LAMA1: variants seen among roughly 807,000 people sequenced by gnomAD.
The protein encoded by LAMA1 is laminin subunit alpha-1.
A neutral mutation model predicts 348.7 loss-of-function variants in LAMA1; 219 were observed. The ratio of observed to expected loss-of-function variants is 0.63; its 90% CI spans 0.56 to 0.70. LAMA1 has a LOEUF of 0.70. Ranked by LOEUF, LAMA1 falls within the 30% of genes least tolerant of loss-of-function variation. The pLI is 0.00. For missense variants in LAMA1, 3,744 were observed against 3,888.0 expected (o/e 0.96, Z 0.99); for synonymous variants, 1,487 against 1,491.0 (o/e 1.00, Z 0.06).
At chr18:6,993,544 T>A (rs576752473) in intron 35 of LAMA1, 97 bp downstream of exon 35, 2 of 944,436 alleles carry the variant, frequency 2.1e-6, no homozygotes, top group African/African-American at 3.2e-5. Flanking sequence ...GGAAACCCGA[T>A]GCAAGAGATA....
intron 12 of LAMA1, 72 bp downstream of exon 12, chr18:7,037,506 C>CTGG: frequency 6.4e-7 from 1 of 1,558,280 alleles, no homozygotes; most frequent in Non-Finnish European, 8.8e-7. Context: ...AAAATGCAGG[C>CTGG]AGCGCAAGTT....
chr18:7,023,981 G>A (rs1598285329), intron 18 of LAMA1, among the ~76,000 whole-genome samples: 1 of 151,942 alleles, frequency 6.6e-6, no homozygotes. Flanking sequence ...TAGGATTACA[G>A]GCACCCGCCG....
chr18:6,979,815 T>A lies in LAMA1; in HGVS notation c.6007+706A>T, dbSNP rs368839372. ...TCGGGAGGCTGAGGCAGGAGAATGGTGTGAACCCGGGGGGCGGAGCTTGCA... is the reference window on the plus strand; with the variant it reads ...TCGGGAGGCTGAGGCAGGAGAATGGAGTGAACCCGGGGGGCGGAGCTTGCA... On this transcript the variant is annotated intron_variant, in intron 42 of 62. Transcript: ENST00000389658. Among the ~76,000 whole-genome samples the A allele has an allele frequency of 5.9e-5, 9 of 151,976 alleles. No individual in the cohort carries two copies. The East Asian group carries it at 1.7e-3, about 30-fold the overall frequency.
rs1041799461 is a variant in LAMA1 at position 7,002,194 on chromosome 18, T to C, written c.4382+70A>G. 4.4e-6 allele frequency: 7 copies of C among 1,590,502 alleles called. No individual in the cohort carries two copies. The African/African-American group carries it at 5.4e-5, about 12-fold the overall frequency. ...TTAACAACAGACCACTCAGAGACCC[T>C]TGAAAATGAGGCTGAACTGGAAGCA... On this transcript the variant is annotated intron_variant, in intron 30 of 62. Transcript: ENST00000389658.
At chr18:7,049,007 A>G (rs1166049114) in intron 5 of LAMA1, 71 bp downstream of exon 5, 29 of 1,465,030 alleles carry the variant, frequency 2.0e-5, no homozygotes, top group Non-Finnish European at 9.4e-7. Flanking sequence ...AGGAAAGAAG[A>G]AAAATAATAG....
intron 25 of LAMA1, among the ~76,000 whole-genome samples, chr18:7,011,037 A>C (rs534628529): frequency 1.3e-4 from 20 of 152,230 alleles, no homozygotes; most frequent in Non-Finnish European, 2.1e-4. Flanking sequence ...ACATGACTGT[A>C]TATGTCTGTT....
At chr18:7,058,000 C>T in intron 3 of LAMA1, among the ~76,000 whole-genome samples, 2 of 151,220 alleles carry the variant, frequency 1.3e-5, no homozygotes, top group Non-Finnish European at 2.9e-5. Context: ...GACAGGGTTT[C>T]ACCAACTTGG....
chr18:6,997,926 G>A (rs769574414), intron 32 of LAMA1, 42 bp from the exon 33 acceptor site: 7 of 1,590,410 alleles, frequency 4.4e-6, no homozygotes, highest in Admixed American at 1.7e-5. Flanking sequence ...AAGTTAATGC[G>A]ATGTGGTCTG....
intron 37 of LAMA1, 150 bp from the exon 38 acceptor site, chr18:6,985,793 T>A (rs1420515033): frequency 4.5e-6 from 3 of 663,570 alleles, no homozygotes; most frequent in Admixed American, 4.9e-5. Context: ...GGAGTCTCAT[T>A]CTGTTGCCAG....
chr18:7,107,119 TCC>T (rs991539867), intron 1 of LAMA1, among the ~76,000 whole-genome samples: 1 of 97,282 alleles, frequency 1.0e-5, no homozygotes, highest in Non-Finnish European at 1.8e-5. Context: ...TGGAGAAAAC[TCC>T]TTTTTTTTTT....
Position 6,948,490 on chromosome 18 carries a change from T to TAA in LAMA1, c.8622_8623insTT (p.Ser2875LeufsTer9). The TAA allele has an allele frequency of 6.2e-7, 1 of 1,614,200 alleles. No individual in the cohort carries two copies. The highest frequency in any genetic ancestry group is 8.5e-7 in the Non-Finnish European group (1 of 1,180,024). On this transcript the variant is annotated frameshift_variant, in exon 60 of 63. Coordinates refer to ENST00000389658, the MANE Select transcript of LAMA1 (RefSeq NM_005559.4). LOFTEE classifies it high-confidence loss of function. ...TTCACCGTGAAGGCAGACACCGGGCTGTCCTTGTCCAGCTGTTTGCTGTTA... is the reference window on the plus strand; with the variant it reads ...TTCACCGTGAAGGCAGACACCGGGCTAAGTCCTTGTCCAGCTGTTTGCTGTTA...
At chr18:7,082,404 G>A (rs2058196658) in intron 1 of LAMA1, among the ~76,000 whole-genome samples, 1 of 152,070 alleles carries the variant, frequency 6.6e-6, no homozygotes. Flanking sequence ...GCTTTATGCG[G>A]AACCAGATGA....
intron 1 of LAMA1, among the ~76,000 whole-genome samples, chr18:7,088,103 A>T (rs963690832): frequency 1.3e-5 from 2 of 152,174 alleles, no homozygotes; most frequent in African/African-American, 4.8e-5. Context: ...AAATAGAAGA[A>T]ATACTCTTAG....
At chr18:6,952,224 G>T (rs1200047118) in intron 57 of LAMA1, among the ~76,000 whole-genome samples, 1 of 152,220 alleles carries the variant, frequency 6.6e-6, no homozygotes, top group African/African-American at 2.4e-5. Flanking sequence ...CAGGGAACTA[G>T]GAGAGTGTGC....
chr18:6,982,629 C>G (rs754824286), intron 40 of LAMA1, 39 bp from the exon 41 acceptor site: 1 of 1,539,384 alleles, frequency 6.5e-7, no homozygotes, highest in Non-Finnish European at 9.0e-7. Flanking sequence ...GAGAGCAGGG[C>G]AGGGTGGAGT....
chr18:7,075,494 T>C (rs1257133679), intron 3 of LAMA1, among the ~76,000 whole-genome samples: 1 of 151,850 alleles, frequency 6.6e-6, no homozygotes, highest in East Asian at 1.9e-4. Context: ...TGGTGGTGCA[T>C]GCCTGTAATC....
Position 7,007,363 on chromosome 18 carries a change from C to T in LAMA1, c.4123-87G>A, listed in dbSNP as rs930143354. ...TAGACACTTCTCCAAAGGAGACATA[C>T]AAATGGCCAACAGGTATGTGAAAAG... is the stretch of plus-strand genomic sequence containing the variant. On this transcript the variant is annotated intron_variant, in intron 28 of 62. Transcript: ENST00000389658. 9 of 1,334,680 alleles carry T rather than the reference C, an allele frequency of 6.7e-6. No individual in the cohort carries two copies. In the African/African-American group the frequency reaches 1.0e-4, roughly 15 times the overall value. The allele number at this position is 1,334,680 out of a possible 1,614,324, so 82.7% of individuals were successfully genotyped here.
rs746018100 is a variant in LAMA1, at chr18:7,049,055, C to T, written c.768+23G>A. ...AAATGAATCTTTTTATTTTATTTGG[C>T]AGGACTGCCGTCCCATACTCACGCG... On this transcript the variant is annotated intron_variant, in intron 5 of 62. Transcript: ENST00000389658. The T allele has an allele frequency of 1.4e-5, 22 of 1,601,656 alleles. No individual in the cohort carries two copies. In the East Asian group the frequency reaches 4.5e-4, roughly 32 times the overall value.
chr18:7,023,959 C>T (rs942408892), intron 18 of LAMA1, among the ~76,000 whole-genome samples: 4 of 152,148 alleles, frequency 2.6e-5, no homozygotes, highest in Non-Finnish European at 4.4e-5. Context: ...CTGCCTCAGC[C>T]TCCCAAGTAG....
Sources: gnomAD v4.1 joint callset for allele counts (sites outside exome capture counted in the v4.1 genomes callset) on GRCh38, gnomAD v4.1.1 for gene constraint, MANE v1.5 for transcripts, NCBI Gene and HGNC (gene_info 2026-07-23, HGNC 2026-07-21) for gene names.